TRIM14: variants seen among roughly 807,000 people sequenced by gnomAD.
The protein encoded by TRIM14 is tripartite motif containing 14, also known as tripartite motif-containing protein 14.
TRIM14 carries 28 observed loss-of-function variants against 44.5 expected under a neutral mutation model. The ratio of observed to expected loss-of-function variants is 0.63; its 90% CI spans 0.47 to 0.86. The LOEUF is 0.86. Ranked by LOEUF, TRIM14 falls within the 40% of genes least tolerant of loss-of-function variation. TRIM14 has a pLI of 0.00. For synonymous variants in TRIM14, 299 were observed against 269.2 expected (o/e 1.11, Z -1.08); for missense variants, 607 against 611.1 (o/e 0.99, Z 0.07).
downstream of TRIM14, among the ~76,000 whole-genome samples, chr9:98,067,506 G>T (rs187000127): frequency 6.6e-6 from 1 of 152,152 alleles, no homozygotes; most frequent in Non-Finnish European, 1.5e-5. Context: ...TCATGTGTCT[G>T]TTGGTCATCT....
At chr9:98,077,839 C>A (rs1022141043) in intron 6 of TRIM14, among the ~76,000 whole-genome samples, 3 of 152,210 alleles carry the variant, frequency 2.0e-5, no homozygotes, top group Non-Finnish European at 4.4e-5. Context: ...CCACACCTCA[C>A]ATTCATTCAC....
At chr9:98,115,738 G>C (rs1403026207) in intron 1 of TRIM14, 2 of 152,314 alleles carry the variant, frequency 1.3e-5, no homozygotes, top group African/African-American at 4.8e-5. Flanking sequence ...AGTTCAATAA[G>C]AGTATGTTTT....
chr9:98,078,163 T>G, intron 6 of TRIM14: 1 of 1,614,042 alleles, frequency 6.2e-7, no homozygotes, highest in Non-Finnish European at 8.5e-7. Flanking sequence ...AAAGAGAAAG[T>G]GCTGATGGTG....
intron 5 of TRIM14, 92 bp from the exon 6 acceptor site, chr9:98,088,097 A>G: frequency 7.6e-7 from 1 of 1,320,564 alleles, no homozygotes; most frequent in South Asian, 1.7e-5. Flanking sequence ...GCAAATCACA[A>G]AATGCGAAGC....
intron 1 of TRIM14, 24 bp downstream of exon 1, chr9:98,118,958 G>T: frequency 1.3e-6 from 2 of 1,493,626 alleles, no homozygotes; most frequent in Non-Finnish European, 1.8e-6. Context: ...CCCGCGCGGC[G>T]AACCCCGTCC....
chr9:98,065,728 T>C (rs1829129404), downstream of TRIM14, among the ~76,000 whole-genome samples: 1 of 151,888 alleles, frequency 6.6e-6, no homozygotes, highest in South Asian at 2.1e-4. Context: ...CTCCCAGAAT[T>C]CCCACGTGTT....
chr9:98,061,246 G>C, the TRIM14 span: 2 of 466,148 alleles, frequency 4.3e-6, no homozygotes, highest in South Asian at 4.8e-5. Flanking sequence ...GGAGACTGAG[G>C]GGGATGGATC....
intron 2 of TRIM14, among the ~76,000 whole-genome samples, chr9:98,103,172 G>A (rs940230542): frequency 1.3e-5 from 2 of 151,372 alleles, no homozygotes; most frequent in Non-Finnish European, 2.9e-5. Context: ...GCAACAGAAC[G>A]AGACTCCATC....
In TRIM14 at chr9:98,091,903, T is replaced by TCTTA; in HGVS notation, c.793+2_793+5dup. On this transcript the variant is annotated splice_donor_region_variant and intron_variant, in intron 5 of 5. Coordinates refer to ENST00000341469, the MANE Select transcript of TRIM14 (RefSeq NM_014788.4). ...TCCACCCTATCCCCACTCCCGGGGGTCTTACATTTCAGCAATAGCGATCGC... is the reference window on the plus strand; with the variant it reads ...TCCACCCTATCCCCACTCCCGGGGGTCTTACTTACATTTCAGCAATAGCGATCGC... 6.3e-7 allele frequency: 1 copy of TCTTA among 1,580,258 alleles called. No homozygotes were observed. Among genetic ancestry groups the TCTTA allele is most frequent in the Non-Finnish European group, 8.6e-7 (1 of 1,159,836 alleles).
chr9:98,044,465 C>T, the TRIM14 span, among the ~76,000 whole-genome samples: 136 of 150,634 alleles, frequency 9.0e-4, 3 homozygotes, highest in East Asian at 0.024. Flanking sequence ...CCTCCAACTC[C>T]CTGGTTCAAG....
rs759052471 is a variant in TRIM14, at chr9:98,088,014, G to C, written c.794-9C>G. The C allele has an allele frequency of 1.3e-6, 2 of 1,509,902 alleles. No individual in the cohort carries two copies. Among genetic ancestry groups the C allele is most frequent in the East Asian group, 5.3e-5 (2 of 37,410 alleles). The allele number at this position is 1,509,902 out of a possible 1,614,324, so 93.5% of individuals were successfully genotyped here. A position where few individuals can be genotyped will look rare whatever the true frequency, so the allele number is the denominator to read the frequency against. ...CGTGGGCGTGCGCGCGTCTGCAGGG[G>C]GCGAGACAAGGGACGCACCTGGTGG... On this transcript the variant is annotated splice_polypyrimidine_tract_variant and intron_variant, in intron 5 of 5. Coordinates refer to ENST00000341469, the MANE Select transcript of TRIM14 (RefSeq NM_014788.4).
chr9:98,059,718 T>C, the TRIM14 span, among the ~76,000 whole-genome samples: 1 of 151,976 alleles, frequency 6.6e-6, no homozygotes, highest in South Asian at 2.1e-4. Flanking sequence ...CCTGACCTCT[T>C]GAGTGTTTTT....
chr9:98,103,767 G>C (rs1172345008), intron 2 of TRIM14, among the ~76,000 whole-genome samples: 1 of 151,292 alleles, frequency 6.6e-6, no homozygotes, highest in Non-Finnish European at 1.5e-5. Flanking sequence ...GAACCCGGGA[G>C]GCAGAGGTTG....
intron 1 of TRIM14, chr9:98,116,266 C>T (rs1827047768): frequency 1.4e-5 from 2 of 141,432 alleles, no homozygotes; most frequent in Non-Finnish European, 3.0e-5. Flanking sequence ...TGCACCACCA[C>T]ACTCCAGCCT....
chr9:98,061,935 C>T, the TRIM14 span, among the ~76,000 whole-genome samples: 2 of 151,228 alleles, frequency 1.3e-5, no homozygotes, highest in Non-Finnish European at 3.0e-5. Flanking sequence ...GGTCTGGGAA[C>T]CAGGGCCTGG....
chr9:98,090,658 G>T (rs1171659993), intron 5 of TRIM14, among the ~76,000 whole-genome samples: 1 of 151,122 alleles, frequency 6.6e-6, no homozygotes, highest in African/African-American at 2.4e-5. Context: ...TCGCCTCCCG[G>T]GTTCAAGCGA....
intron 6 of TRIM14, chr9:98,078,205 T>C: frequency 6.2e-7 from 1 of 1,614,214 alleles, no homozygotes; most frequent in Non-Finnish European, 8.5e-7. Flanking sequence ...CGCCCAATGG[T>C]GATCTCCAGT....
At chr9:98,077,041 A>G in intron 6 of TRIM14, 1 of 1,560,320 alleles carries the variant, frequency 6.4e-7, no homozygotes, top group Non-Finnish European at 8.8e-7. Context: ...TTTTGACTTA[A>G]AATCGAAGGG....
the TRIM14 span, chr9:98,060,798 G>A: frequency 6.2e-7 from 1 of 1,614,200 alleles, no homozygotes; most frequent in South Asian, 1.1e-5. Flanking sequence ...GGGGCTGATT[G>A]TGCTAAGTTC....
Sources: gnomAD v4.1 joint callset for allele counts (sites outside exome capture counted in the v4.1 genomes callset) on GRCh38, gnomAD v4.1.1 for gene constraint, MANE v1.5 for transcripts, NCBI Gene and HGNC (gene_info 2026-07-23, HGNC 2026-07-21) for gene names.